Variants in NRXN1 observed in about 807,000 individuals in gnomAD.
NRXN1 encodes neurexin-1.
NRXN1 carries 39 observed loss-of-function variants against 150.9 expected under a neutral mutation model. That is an observed-to-expected ratio of 0.26 (90% CI 0.20 to 0.34). The LOEUF (loss-of-function observed/expected upper bound fraction) is 0.34. Ranked by LOEUF, NRXN1 falls within the 10% of genes least tolerant of loss-of-function variation. NRXN1 has a pLI of 1.00. For missense variants in NRXN1, 1,815 were observed against 1,949.9 expected (o/e 0.93, Z 1.30); for synonymous variants, 924 against 757.0 (o/e 1.22, Z -3.62).
chr2:50,393,172 A>G lies in NRXN1; in HGVS notation c.3364+72270T>C, dbSNP rs2081845869. Among the ~76,000 whole-genome samples, 4 of 146,002 alleles carry G rather than the reference A, an allele frequency of 2.7e-5. No individual in the cohort carries two copies. In the Admixed American group the frequency reaches 2.7e-4, roughly 10 times the overall value. ...TAAGGGCCCTCTCCATACCAAAAAA[A>G]AAAATAATAATAAAACATATGTATA... On this transcript the variant is annotated intron_variant, in intron 17 of 22. Coordinates refer to ENST00000401669, the MANE Select transcript of NRXN1 (RefSeq NM_001330078.2).
intron 18 of NRXN1, among the ~76,000 whole-genome samples, chr2:50,218,449 T>G (rs2063551577): frequency 6.6e-6 from 1 of 151,848 alleles, no homozygotes; most frequent in South Asian, 2.1e-4. Context: ...TCTCACATTC[T>G]ACTGGAGATT....
intron 21 of NRXN1, among the ~76,000 whole-genome samples, chr2:49,991,143 C>T (rs757979172): frequency 2.5e-4 from 38 of 152,072 alleles, no homozygotes; most frequent in Non-Finnish European, 4.4e-5. Flanking sequence ...TAGTGAGAAA[C>T]TTGACACTTC....
chr2:50,829,681 G>T (rs947539777), intron 5 of NRXN1: 1 of 1,610,492 alleles, frequency 6.2e-7, no homozygotes, highest in Non-Finnish European at 8.5e-7. Context: ...TGACACAGCG[G>T]AGCGCCGCGC....
chr2:50,790,198 TGA>T (rs1705736504), intron 5 of NRXN1, among the ~76,000 whole-genome samples: 1 of 152,008 alleles, frequency 6.6e-6, no homozygotes, highest in Non-Finnish European at 1.5e-5. Flanking sequence ...TTCCGAATTA[TGA>T]AATGTGCCCC....
intron 17 of NRXN1, among the ~76,000 whole-genome samples, chr2:50,421,752 G>A (rs1403621807): frequency 1.3e-5 from 2 of 152,116 alleles, no homozygotes; most frequent in Non-Finnish European, 2.9e-5. Flanking sequence ...CATACTGCAA[G>A]TTAAAAAGTG....
chr2:50,699,651 G>A (rs1275855648), intron 5 of NRXN1, among the ~76,000 whole-genome samples: 1 of 152,024 alleles, frequency 6.6e-6, no homozygotes, highest in East Asian at 1.9e-4. Context: ...CCAGAAGGGA[G>A]TGAATTTAGT....
chr2:50,167,413 G>C (rs2059756094), intron 18 of NRXN1, among the ~76,000 whole-genome samples: 2 of 152,004 alleles, frequency 1.3e-5, no homozygotes, highest in Non-Finnish European at 2.9e-5. Flanking sequence ...CCCCCCGCCT[G>C]TTAATTTTAA....
At chr2:50,341,191 T>A (rs1483486685) in intron 17 of NRXN1, among the ~76,000 whole-genome samples, 2 of 152,194 alleles carry the variant, frequency 1.3e-5, no homozygotes, top group African/African-American at 4.8e-5. Flanking sequence ...ACTTAAATTA[T>A]TTAGATCTCT....
At chr2:50,209,062 C>T (rs534384280) in intron 18 of NRXN1, among the ~76,000 whole-genome samples, 1 of 152,172 alleles carries the variant, frequency 6.6e-6, no homozygotes, top group South Asian at 2.1e-4. Flanking sequence ...TATGAGAATC[C>T]ATGTCCACAC....
intron 21 of NRXN1, among the ~76,000 whole-genome samples, chr2:50,041,008 C>T (rs1048731299): frequency 6.6e-6 from 1 of 152,048 alleles, no homozygotes; most frequent in African/African-American, 2.4e-5. Flanking sequence ...AATGCTATCC[C>T]TCCTCCCTCC....
At chr2:51,017,580 C>T (rs1668921992) in intron 2 of NRXN1, among the ~76,000 whole-genome samples, 1 of 125,846 alleles carries the variant, frequency 7.9e-6, no homozygotes, top group Non-Finnish European at 1.6e-5. Context: ...TGGTCTGGTA[C>T]TCTTGGACTC....
Position 50,528,795 on chromosome 2 carries a change from T to C in NRXN1, c.2348-144A>G, listed in dbSNP as rs1454148535. Reference sequence around the variant, plus strand: ...CATATCATTATTCTTTACATACTTATAAAGCCCAGATGTTTTGTTATAAAA... The same window carrying C: ...CATATCATTATTCTTTACATACTTACAAAGCCCAGATGTTTTGTTATAAAA... On this transcript the variant is annotated intron_variant, in intron 11 of 22. Coordinates refer to ENST00000401669, the MANE Select transcript of NRXN1 (RefSeq NM_001330078.2). The C allele has an allele frequency of 9.1e-6, 5 of 546,802 alleles. No individual in the cohort carries two copies. In the Admixed American group the frequency reaches 1.2e-4, roughly 13 times the overall value. The allele number at this position is 546,802 out of a possible 1,614,324, so 33.9% of individuals were successfully genotyped here. A position where few individuals can be genotyped will look rare whatever the true frequency, so the allele number is the denominator to read the frequency against.
chr2:50,236,833 C>T lies in NRXN1; in HGVS notation c.3502G>A (p.Val1168Met). The T allele has an allele frequency of 6.2e-7, 1 of 1,613,324 alleles. No homozygotes were observed. Among genetic ancestry groups the T allele is most frequent in the Non-Finnish European group, 8.5e-7 (1 of 1,179,620 alleles). Residue 1168 changes from valine (V) to methionine (M), a missense_variant, in exon 18 of 23, where the codon GTG (valine) becomes ATG (methionine). Coordinates refer to ENST00000401669, the MANE Select transcript of NRXN1 (RefSeq NM_001330078.2). ...TVQKEAVLVR[V>M]DSSSGLGDYL... ...TCACCCAAGCCTGAAGAACTGTCCACTCGCACCAATACGGCTTCTTTCTGA... is the reference window on the plus strand; with the variant it reads ...TCACCCAAGCCTGAAGAACTGTCCATTCGCACCAATACGGCTTCTTTCTGA...
At chr2:50,601,635 TG>T (rs1676291369) in intron 8 of NRXN1, among the ~76,000 whole-genome samples, 1 of 152,200 alleles carries the variant, frequency 6.6e-6, no homozygotes, top group Non-Finnish European at 1.5e-5. Context: ...CTGATGTATT[TG>T]TAAGTTTTTC....
At chr2:50,715,796 C>T (rs560798227) in intron 5 of NRXN1, among the ~76,000 whole-genome samples, 9 of 152,306 alleles carry the variant, frequency 5.9e-5, no homozygotes, top group Non-Finnish European at 1.0e-4. Context: ...CTGAAGCCCT[C>T]GCTGATTATT....
intron 5 of NRXN1, among the ~76,000 whole-genome samples, chr2:50,713,449 G>A (rs1367015752): frequency 6.6e-6 from 1 of 152,054 alleles, no homozygotes; most frequent in South Asian, 2.1e-4. Flanking sequence ...GAATTCAAAA[G>A]AGCCTAGATC....
At chr2:50,848,314 A>T (rs776709374) in intron 5 of NRXN1, among the ~76,000 whole-genome samples, 1 of 152,154 alleles carries the variant, frequency 6.6e-6, no homozygotes, top group Non-Finnish European at 1.5e-5. Flanking sequence ...TTCCAGCAAC[A>T]AAGCTCCAAG....
chr2:50,679,240 G>C (rs1690001539), intron 5 of NRXN1, among the ~76,000 whole-genome samples: 1 of 152,088 alleles, frequency 6.6e-6, no homozygotes, highest in African/African-American at 2.4e-5. Context: ...GATGGGATAG[G>C]TTTTGAGCAT....
intron 5 of NRXN1, among the ~76,000 whole-genome samples, chr2:50,746,817 T>C (rs1700082661): frequency 6.6e-6 from 1 of 152,110 alleles, no homozygotes. Flanking sequence ...CTACAGTATC[T>C]GCAGAGTGTC....
Sources: allele counts gnomAD v4.1 joint callset (sites outside exome capture counted in the v4.1 genomes callset), GRCh38; gene constraint gnomAD v4.1.1; transcripts MANE v1.5; gene names NCBI Gene and HGNC (gene_info 2026-07-23, HGNC 2026-07-21).